Variants in CAST observed in about 807,000 individuals in gnomAD.
CAST encodes the protein MIR583 host.
A neutral mutation model predicts 119.6 loss-of-function variants in CAST; 76 were observed. The ratio of observed to expected loss-of-function variants is 0.64; its 90% CI spans 0.53 to 0.77. The LOEUF is 0.77. Among genes scored for constraint, CAST ranks in the 30% least tolerant of loss-of-function variants. The pLI, the probability that CAST is intolerant of heterozygous loss-of-function variation, is 0.00. For synonymous variants in CAST, 319 were observed against 331.6 expected (o/e 0.96, Z 0.41); for missense variants, 953 against 946.5 (o/e 1.01, Z -0.09).
chr5:96,400,270 T>G, the CAST span: 2 of 904,528 alleles, frequency 2.2e-6, no homozygotes, highest in African/African-American at 3.3e-5. Flanking sequence ...AGCATCTCCA[T>G]TCAGGGATTA....
At chr5:96,328,334 T>C in the CAST span, among the ~76,000 whole-genome samples, 2 of 150,894 alleles carry the variant, frequency 1.3e-5, no homozygotes, top group Non-Finnish European at 2.9e-5. Flanking sequence ...GTCAGAAGCA[T>C]TAACAATGAA....
chr5:96,146,072 A>G, the CAST span, among the ~76,000 whole-genome samples: 1 of 152,228 alleles, frequency 6.6e-6, no homozygotes, highest in African/African-American at 2.4e-5. Flanking sequence ...AAGCAGTTAC[A>G]GGCCCAACTT....
chr5:96,556,760 A>G (rs527317573), intron 1 of CAST, among the ~76,000 whole-genome samples: 1 of 152,370 alleles, frequency 6.6e-6, no homozygotes, highest in South Asian at 2.1e-4. Context: ...GATGGGGAGA[A>G]TGGAACCAAG....
chr5:96,757,725 C>T, intron 24 of CAST, 71 bp downstream of exon 24: 3 of 1,045,902 alleles, frequency 2.9e-6, no homozygotes, highest in Admixed American at 2.3e-5. Flanking sequence ...GAGTCTTGCT[C>T]TGTCATCCAG....
At chr5:96,079,886 AG>A in the CAST span, among the ~76,000 whole-genome samples, 3 of 152,230 alleles carry the variant, frequency 2.0e-5, no homozygotes, top group Non-Finnish European at 4.4e-5. Flanking sequence ...TTATTAAAGT[AG>A]TCCTCTAATA....
the CAST span, among the ~76,000 whole-genome samples, chr5:96,323,224 C>G: frequency 6.6e-6 from 1 of 152,170 alleles, no homozygotes; most frequent in Non-Finnish European, 1.5e-5. Flanking sequence ...TGTCACTTGT[C>G]TCTGTGTACA....
At chr5:96,433,006 A>C in the CAST span, 1 of 1,614,224 alleles carries the variant, frequency 6.2e-7, no homozygotes, top group South Asian at 1.1e-5. Context: ...AAGAGGACGA[A>C]AGCAGTGCAC....
At chr5:96,001,869 T>C in the CAST span, among the ~76,000 whole-genome samples, 6 of 152,172 alleles carry the variant, frequency 3.9e-5, no homozygotes, top group African/African-American at 1.4e-4. Context: ...AACCTAATAG[T>C]CTTTTTGTGT....
the CAST span, among the ~76,000 whole-genome samples, chr5:96,364,364 A>T: frequency 8.5e-5 from 13 of 152,142 alleles, no homozygotes; most frequent in South Asian, 2.7e-3. Flanking sequence ...GTTAGGGAGG[A>T]TTCCCTCTTT....
At chr5:96,412,970 A>C in the CAST span, 3 of 994,834 alleles carry the variant, frequency 3.0e-6, no homozygotes, top group Non-Finnish European at 3.6e-6. Context: ...GCACCTCCTC[A>C]TGGCTGTCCC....
chr5:96,453,505 CA>C, the CAST span, among the ~76,000 whole-genome samples: 9 of 152,248 alleles, frequency 5.9e-5, no homozygotes, highest in Non-Finnish European at 1.3e-4. Flanking sequence ...AAGAAACATG[CA>C]GTCTTCAGTA....
chr5:96,269,381 T>G, the CAST span, among the ~76,000 whole-genome samples: 4 of 152,164 alleles, frequency 2.6e-5, no homozygotes, highest in Admixed American at 2.6e-4. Context: ...TTCGACATCC[T>G]ACTCTCAGTA....
chr5:96,112,875 G>A, the CAST span, among the ~76,000 whole-genome samples: 1 of 152,166 alleles, frequency 6.6e-6, no homozygotes, highest in African/African-American at 2.4e-5. Context: ...TGGGAACTGT[G>A]GTTCATTGCT....
the CAST span, among the ~76,000 whole-genome samples, chr5:96,327,468 C>CTTTTCCTG: frequency 6.6e-6 from 1 of 152,158 alleles, no homozygotes; most frequent in African/African-American, 2.4e-5. Flanking sequence ...AGAATGGTAG[C>CTTTTCCTG]TAACCAGTGC....
At chr5:96,231,965 G>A in the CAST span, among the ~76,000 whole-genome samples, 1 of 152,020 alleles carries the variant, frequency 6.6e-6, no homozygotes, top group African/African-American at 2.4e-5. Flanking sequence ...TTTCTGATCA[G>A]GGCTGGACTG....
chr5:95,990,313 C>T, the CAST span, among the ~76,000 whole-genome samples: 1 of 151,788 alleles, frequency 6.6e-6, no homozygotes, highest in East Asian at 1.9e-4. Flanking sequence ...AAGGAAGTTT[C>T]CTTATCAATA....
At position 96,770,603 on chromosome 5, in the gene CAST, G is replaced by C. The variant is rs777025922; in HGVS notation, c.2340+1G>C. ...AGGTAAAGCGAAGGATTCAGCAAAG[G>C]TAAATGGAGCAGTAAATATACTACA... is the stretch of plus-strand genomic sequence containing the variant. On this transcript the variant is annotated splice_donor_variant, in intron 30 of 31. Coordinates refer to ENST00000675179, the MANE Select transcript of CAST (RefSeq NM_001750.7). LOFTEE classifies it high-confidence loss of function. The C allele has an allele frequency of 6.2e-7, 1 of 1,603,388 alleles. No individual in the cohort carries two copies. Among genetic ancestry groups the C allele is most frequent in the Non-Finnish European group, 8.5e-7 (1 of 1,170,664 alleles).
chr5:96,381,676 G>A, the CAST span, among the ~76,000 whole-genome samples: 7 of 152,282 alleles, frequency 4.6e-5, no homozygotes, highest in East Asian at 3.9e-4. Context: ...ACTGAGGTGC[G>A]CTGGTGAGTG....
the CAST span, chr5:96,079,221 CT>C: frequency 9.7e-6 from 4 of 411,550 alleles, no homozygotes; most frequent in African/African-American, 8.6e-5. Flanking sequence ...GTACTTTCCC[CT>C]GGGCCCCCTT....
Sources: allele counts gnomAD v4.1 joint callset (sites outside exome capture counted in the v4.1 genomes callset), GRCh38; gene constraint gnomAD v4.1.1; transcripts MANE v1.5; gene names NCBI Gene and HGNC (gene_info 2026-07-23, HGNC 2026-07-21).